Variants in OTUD7A observed in about 807,000 individuals in gnomAD.
OTUD7A encodes the protein OTU domain-containing protein 7A.
A neutral mutation model predicts 65.7 loss-of-function variants in OTUD7A; 12 were observed. That is an observed-to-expected ratio of 0.18 (90% confidence interval 0.12 to 0.30). OTUD7A has a LOEUF of 0.30. OTUD7A is among the 10% of genes least tolerant of loss of function. The pLI is 1.00. For synonymous variants in OTUD7A, 641 were observed against 586.3 expected (o/e 1.09, Z -1.35); for missense variants, 1,148 against 1,304.8 (o/e 0.88, Z 1.85).
intron 1 of OTUD7A, among the ~76,000 whole-genome samples, chr15:31,762,326 T>C (rs1894987969): frequency 6.6e-6 from 1 of 152,232 alleles, no homozygotes; most frequent in South Asian, 2.1e-4. Context: ...CAAATCCTCA[T>C]TGCTTTTTTT....
chr15:31,503,846 C>T, intron 8 of OTUD7A, 28 bp from the exon 9 acceptor site: 1 of 1,613,494 alleles, frequency 6.2e-7, no homozygotes, highest in Non-Finnish European at 8.5e-7. Flanking sequence ...GCCAGCTGGT[C>T]ACTGACTAAA....
chr15:31,679,051 T>A (rs557247384), intron 1 of OTUD7A, among the ~76,000 whole-genome samples: 1 of 152,302 alleles, frequency 6.6e-6, no homozygotes, highest in East Asian at 1.9e-4. Context: ...ATGTGAGACA[T>A]GGAGTCAGAG....
intron 1 of OTUD7A, among the ~76,000 whole-genome samples, chr15:31,868,385 A>G (rs1234313372): frequency 6.6e-6 from 1 of 152,254 alleles, no homozygotes; most frequent in African/African-American, 2.4e-5. Flanking sequence ...GGTGAAAACA[A>G]AAAGATGGAT....
chr15:31,778,651 C>T (rs1895453278), intron 1 of OTUD7A, among the ~76,000 whole-genome samples: 1 of 152,036 alleles, frequency 6.6e-6, no homozygotes, highest in Admixed American at 6.5e-5. Flanking sequence ...CCTGCCTGGG[C>T]AGAAAAGCCT....
Position 31,766,203 on chromosome 15 carries a change from T to C in OTUD7A, c.-100+104304A>G. 7.2e-6 allele frequency: 11 copies of C among 1,520,484 alleles called. No homozygotes were observed. The South Asian group carries it at 1.1e-4, about 16-fold the overall frequency. 94.2% of individuals were successfully genotyped at this position (1,520,484 alleles called of 1,614,324 possible). On this transcript the variant is annotated intron_variant, in intron 1 of 12. Transcript: ENST00000307050. ...AGCAAGAAGCTCATCAAGGTCCACT[T>C]CTTCAGCACAGCATAACACACATTG... is the stretch of plus-strand genomic sequence containing the variant.
chr15:31,507,934 GGTGATTATAACAATAA>G (rs2041607525), intron 8 of OTUD7A, among the ~76,000 whole-genome samples: 1 of 152,222 alleles, frequency 6.6e-6, no homozygotes, highest in Non-Finnish European at 1.5e-5. Flanking sequence ...TTTGGCTGCA[GGTGATTATAACAATAA>G]GTGTTAGGGG....
intron 1 of OTUD7A, among the ~76,000 whole-genome samples, chr15:31,815,348 G>A (rs1896520691): frequency 6.6e-6 from 1 of 152,204 alleles, no homozygotes; most frequent in Non-Finnish European, 1.5e-5. Flanking sequence ...CAGAGCCACT[G>A]TCAACTCCTC....
intron 8 of OTUD7A, among the ~76,000 whole-genome samples, chr15:31,525,421 C>T (rs867659397): frequency 2.6e-5 from 4 of 152,204 alleles, no homozygotes; most frequent in Non-Finnish European, 4.4e-5. Flanking sequence ...TGGTCTTGGA[C>T]GCCACTGCTG....
chr15:31,803,966 T>C (rs1896201978), intron 1 of OTUD7A, among the ~76,000 whole-genome samples: 1 of 152,198 alleles, frequency 6.6e-6, no homozygotes, highest in Non-Finnish European at 1.5e-5. Flanking sequence ...TGATACCAGA[T>C]GACAAGCTTA....
intron 10 of OTUD7A, among the ~76,000 whole-genome samples, chr15:31,494,604 A>C (rs2041358737): frequency 6.6e-6 from 1 of 152,158 alleles, no homozygotes. Context: ...ATCTAACACA[A>C]TTTCTGGGCT....
intron 1 of OTUD7A, among the ~76,000 whole-genome samples, chr15:31,754,372 A>G (rs1234123317): frequency 6.6e-6 from 1 of 152,212 alleles, no homozygotes; most frequent in South Asian, 2.1e-4. Flanking sequence ...ATTAAGTCCC[A>G]GCAATTTATC....
chr15:31,530,650 T>A, intron 6 of OTUD7A, 57 bp downstream of exon 6: 1 of 1,486,298 alleles, frequency 6.7e-7, no homozygotes, highest in African/African-American at 1.4e-5. Flanking sequence ...ATAGCATATG[T>A]CTTTCCTTAC....
intron 1 of OTUD7A, among the ~76,000 whole-genome samples, chr15:31,673,787 C>T (rs1485015650): frequency 6.6e-6 from 1 of 152,194 alleles, no homozygotes; most frequent in East Asian, 1.9e-4. Context: ...GCCTCTTTTC[C>T]TGGCCTGCCA....
chr15:31,483,100 C>T lies in OTUD7A; in HGVS notation c.*194G>A. ...CCACTTCCAACAGTATGACTTGTTTCCTATCCGTCTACTACCTGAGTGGCG... is the reference window on the plus strand; with the variant it reads ...CCACTTCCAACAGTATGACTTGTTTTCTATCCGTCTACTACCTGAGTGGCG... On this transcript the variant is annotated 3_prime_UTR_variant, in exon 13 of 13. Coordinates refer to ENST00000307050, the MANE Select transcript of OTUD7A (RefSeq NM_001382637.1). 1 of 378,096 alleles carries T rather than the reference C, an allele frequency of 2.6e-6. No homozygotes were observed. Among genetic ancestry groups the T allele is most frequent in the Non-Finnish European group, 3.7e-6 (1 of 269,116 alleles). 23.4% of individuals were successfully genotyped at this position (378,096 alleles called of 1,614,324 possible).
chr15:31,824,784 T>C (rs139536023), intron 1 of OTUD7A, among the ~76,000 whole-genome samples: 3 of 152,370 alleles, frequency 2.0e-5, no homozygotes, highest in African/African-American at 7.2e-5. Flanking sequence ...TTTATGTTTA[T>C]ACATATCCAA....
chr15:31,670,648 T>A (rs1253158527), intron 1 of OTUD7A, among the ~76,000 whole-genome samples: 1 of 152,186 alleles, frequency 6.6e-6, no homozygotes, highest in Non-Finnish European at 1.5e-5. Context: ...TGTAAATTTG[T>A]TCCTTGTAGA....
At chr15:31,606,914 T>A (rs141112096) in intron 3 of OTUD7A, among the ~76,000 whole-genome samples, 96 of 152,348 alleles carry the variant, frequency 6.3e-4, no homozygotes, top group African/African-American at 2.2e-3. Flanking sequence ...ATTCCAGCAA[T>A]GAAGTAAGTG....
chr15:31,714,361 T>A (rs1285263072), intron 1 of OTUD7A, among the ~76,000 whole-genome samples: 1 of 152,144 alleles, frequency 6.6e-6, no homozygotes, highest in Non-Finnish European at 1.5e-5. Context: ...TTCATCACAC[T>A]GAGTTTAAAA....
chr15:31,620,650 TTCTC>T, intron 3 of OTUD7A, among the ~76,000 whole-genome samples: 1 of 124,138 alleles, frequency 8.1e-6, no homozygotes, highest in South Asian at 2.3e-4. Flanking sequence ...TATTTGATTC[TTCTC>T]TCTTTCTTCT....
Sources: gnomAD v4.1 joint callset for allele counts (sites outside exome capture counted in the v4.1 genomes callset) on GRCh38, gnomAD v4.1.1 for gene constraint, MANE v1.5 for transcripts, NCBI Gene and HGNC (gene_info 2026-07-23, HGNC 2026-07-21) for gene names.